The following PPP1R9A variants were observed in gnomAD, a reference collection of about 807,000 sequenced individuals.
The protein encoded by PPP1R9A is neurabin-1.
PPP1R9A carries 59 observed loss-of-function variants against 141.9 expected under a neutral mutation model. That is an observed-to-expected ratio of 0.42 (90% CI 0.34 to 0.52). PPP1R9A has a LOEUF of 0.52. Among genes scored for constraint, PPP1R9A ranks in the 20% least tolerant of loss-of-function variants. The pLI is 0.10. For missense variants in PPP1R9A, 1,444 were observed against 1,611.9 expected, an observed-to-expected ratio of 0.90 and a Z score of 1.78; for synonymous variants, 500 against 569.7, an observed-to-expected ratio of 0.88 and a Z score of 1.74.
intron 2 of PPP1R9A, among the ~76,000 whole-genome samples, chr7:95,072,878 T>C (rs1351286883): frequency 8.7e-6 from 1 of 115,408 alleles, no homozygotes; most frequent in Non-Finnish European, 1.7e-5. Context: ...AATATAATAT[T>C]ATATAATATA....
At chr7:95,220,638 ATATGC>A (rs1302637270) in intron 7 of PPP1R9A, among the ~76,000 whole-genome samples, 1 of 152,142 alleles carries the variant, frequency 6.6e-6, no homozygotes, top group Non-Finnish European at 1.5e-5. Flanking sequence ...AGTGCCCACT[ATATGC>A]CAAGCAATGT....
At chr7:94,945,836 C>A (rs1371726451) in intron 2 of PPP1R9A, among the ~76,000 whole-genome samples, 1 of 151,808 alleles carries the variant, frequency 6.6e-6, no homozygotes, top group Non-Finnish European at 1.5e-5. Context: ...GAGTTTAATT[C>A]TTGGATTTTA....
intron 2 of PPP1R9A, among the ~76,000 whole-genome samples, chr7:94,919,435 A>G (rs564207361): frequency 1.3e-5 from 2 of 149,812 alleles, no homozygotes; most frequent in East Asian, 2.0e-4. Flanking sequence ...GTGAGCCACC[A>G]TGTCCTGCCA....
chr7:95,009,204 A>G (rs71562878), intron 2 of PPP1R9A, among the ~76,000 whole-genome samples: 14,789 of 152,246 alleles, frequency 0.097, 799 homozygotes, highest in Admixed American at 0.15. Flanking sequence ...TAATGTAAAT[A>G]AGGAGTTAAT....
chr7:95,244,611 T>C (rs1167657764), intron 8 of PPP1R9A, among the ~76,000 whole-genome samples: 1 of 152,184 alleles, frequency 6.6e-6, no homozygotes, highest in Non-Finnish European at 1.5e-5. Flanking sequence ...GTTAATAAAA[T>C]CTGTCACTTG....
At chr7:95,003,801 T>C (rs1314942547) in intron 2 of PPP1R9A, among the ~76,000 whole-genome samples, 2 of 152,162 alleles carry the variant, frequency 1.3e-5, no homozygotes, top group African/African-American at 2.4e-5. Flanking sequence ...TTCTAATGTG[T>C]AGTCAGAATT....
chr7:95,131,795 C>T lies in PPP1R9A; in HGVS notation c.1649+10963C>T, dbSNP rs117508102. On this transcript the variant is annotated intron_variant, in intron 4 of 19. Coordinates refer to ENST00000433360, the MANE Select transcript of PPP1R9A (RefSeq NM_001166160.2). The stretch of plus-strand genomic sequence containing the variant: ...TGCTTTGGTCAGTATGGCCATTTTG[C>T]TGATATTGATTCTTCTAATCCATGA... Among the ~76,000 whole-genome samples, 1,326 of 152,056 alleles carry T rather than the reference C, an allele frequency of 8.7e-3. 66 individuals are homozygous for T. In the East Asian group the frequency reaches 0.13, roughly 15 times the overall value.
chr7:95,183,585 G>A (rs1834191001), intron 5 of PPP1R9A, among the ~76,000 whole-genome samples: 1 of 150,630 alleles, frequency 6.6e-6, no homozygotes, highest in Non-Finnish European at 1.5e-5. Context: ...CGAGTAGGTG[G>A]GACTATAGGC....
At chr7:95,256,191 C>CAA (rs369030873) in intron 12 of PPP1R9A, among the ~76,000 whole-genome samples, 18,469 of 135,194 alleles carry the variant, frequency 0.14, 1,285 homozygotes, top group African/African-American at 0.18. Context: ...GATCCTGTCT[C>CAA]AAAAAAAAAA....
At chr7:94,995,389 T>A (rs1802048181) in intron 2 of PPP1R9A, among the ~76,000 whole-genome samples, 1 of 152,004 alleles carries the variant, frequency 6.6e-6, no homozygotes, top group Non-Finnish European at 1.5e-5. Flanking sequence ...CCCCCCAATG[T>A]TTTCTTTCCC....
chr7:94,910,966 A>G lies in PPP1R9A; in HGVS notation c.853A>G (p.Lys285Glu). 6.2e-7 allele frequency: 1 copy of G among 1,614,200 alleles called. No individual in the cohort carries two copies. The highest frequency in any genetic ancestry group is 8.5e-7 in the Non-Finnish European group (1 of 1,180,034). ...NATPVPEVAS[K>E]STSLASIPGE... ...AACTCCAGTACCAGAAGTGGCTTCT[A>G]AAAGTACCTCTCTAGCTTCGATACC... Residue 285 changes from lysine to glutamate, a missense_variant, in exon 2 of 20, where the codon AAA (lysine) becomes GAA (glutamate). Lys to Glu is a moderately conservative substitution (Grantham distance 56, BLOSUM62 1). Transcript: ENST00000433360. This position sits in a 1 kb window ranked among gnomAD's most constrained non-coding sequence, Gnocchi z 4.5.
At position 95,031,613 on chromosome 7, in the gene PPP1R9A, A is replaced by T. The variant is rs182515691; in HGVS notation, c.1396-79646A>T. On this transcript the variant is annotated intron_variant, in intron 2 of 19. Coordinates refer to ENST00000433360, the MANE Select transcript of PPP1R9A (RefSeq NM_001166160.2). ...TCTACTAAAAATATCAAAATTAACTAGGCCTGATGGTGTACACCTGTAATC... is the reference window on the plus strand; with the variant it reads ...TCTACTAAAAATATCAAAATTAACTTGGCCTGATGGTGTACACCTGTAATC... Among the ~76,000 whole-genome samples the T allele has an allele frequency of 2.1e-3, 324 of 152,114 alleles. 4 individuals carry two copies. Among genetic ancestry groups the T allele is most frequent in the African/African-American group, 7.3e-3 (304 of 41,490 alleles).
chr7:95,189,590 C>CTA (rs1835177831), intron 5 of PPP1R9A, among the ~76,000 whole-genome samples: 1 of 151,044 alleles, frequency 6.6e-6, no homozygotes, highest in African/African-American at 2.4e-5. Flanking sequence ...GCGCCCGCCA[C>CTA]TACGCCCGGC....
intron 12 of PPP1R9A, 115 bp downstream of exon 12, chr7:95,252,245 A>G (rs1798982345): frequency 8.5e-7 from 1 of 1,174,134 alleles, no homozygotes; most frequent in Non-Finnish European, 1.1e-6. Context: ...ACTATGGGAA[A>G]GAAGAAAAGG....
intron 4 of PPP1R9A, among the ~76,000 whole-genome samples, chr7:95,152,858 T>C (rs1473583823): frequency 9.8e-6 from 1 of 102,386 alleles, no homozygotes; most frequent in Non-Finnish European, 2.0e-5. Flanking sequence ...TTTTTTTTTT[T>C]CTTTGAGGCA....
intron 8 of PPP1R9A, among the ~76,000 whole-genome samples, chr7:95,229,366 T>G (rs1795587532): frequency 6.6e-6 from 1 of 151,708 alleles, no homozygotes; most frequent in African/African-American, 2.4e-5. Flanking sequence ...TGATTTAGGG[T>G]GAGTTCTCAG....
At chr7:94,954,978 GC>G (rs1796928665) in intron 2 of PPP1R9A, among the ~76,000 whole-genome samples, 1 of 151,202 alleles carries the variant, frequency 6.6e-6, no homozygotes, top group Non-Finnish European at 1.5e-5. Context: ...TTGTTATTCT[GC>G]TTCTTGTGTT....
chr7:95,222,904 A>G (rs1160165172), intron 7 of PPP1R9A, among the ~76,000 whole-genome samples: 1 of 152,028 alleles, frequency 6.6e-6, no homozygotes, highest in Non-Finnish European at 1.5e-5. Context: ...TTTTCAATAA[A>G]GATAAAATAT....
At chr7:95,090,757 G>A (rs1176341020) in intron 2 of PPP1R9A, among the ~76,000 whole-genome samples, 3 of 151,866 alleles carry the variant, frequency 2.0e-5, no homozygotes, top group African/African-American at 2.4e-5. Flanking sequence ...ACAGTAAGCT[G>A]AGATCACCCC....
Sources: allele counts gnomAD v4.1 joint callset (sites outside exome capture counted in the v4.1 genomes callset), GRCh38; gene constraint gnomAD v4.1.1; non-coding constraint Gnocchi (gnomAD v3.1); transcripts MANE v1.5; gene names NCBI Gene and HGNC (gene_info 2026-07-23, HGNC 2026-07-21).